Variants in TRAPPC9 observed in about 807,000 individuals in gnomAD.
TRAPPC9 encodes the protein IKK2 binding protein.
A neutral mutation model predicts 124.0 loss-of-function variants in TRAPPC9; 83 were observed. That is an observed-to-expected ratio of 0.67 (90% CI 0.56 to 0.80). TRAPPC9 has a LOEUF of 0.80. TRAPPC9 is among the 30% of genes least tolerant of loss of function. TRAPPC9 has a pLI of 0.00. For missense variants in TRAPPC9, 1,302 were observed against 1,508.3 expected (o/e 0.86, Z 2.27); for synonymous variants, 638 against 617.5 (o/e 1.03, Z -0.49).
intron 7 of TRAPPC9, among the ~76,000 whole-genome samples, chr8:140,396,096 A>G (rs974118326): frequency 1.4e-5 from 2 of 146,192 alleles, no homozygotes; most frequent in African/African-American, 2.6e-5. Flanking sequence ...CCTCCACTCC[A>G]TACAAATCTG....
At chr8:140,378,139 T>C (rs1172419907) in intron 7 of TRAPPC9, among the ~76,000 whole-genome samples, 1 of 152,194 alleles carries the variant, frequency 6.6e-6, no homozygotes, top group Non-Finnish European at 1.5e-5. Context: ...TGCCAGGAGT[T>C]TGTGGTCACT....
intron 16 of TRAPPC9, among the ~76,000 whole-genome samples, chr8:140,239,606 C>G (rs1026395055): frequency 6.6e-6 from 1 of 152,146 alleles, no homozygotes; most frequent in Non-Finnish European, 1.5e-5. Flanking sequence ...TCCTCACGGC[C>G]GTGGAGGGGA....
intron 21 of TRAPPC9, among the ~76,000 whole-genome samples, chr8:139,843,296 G>A (rs1234602018): frequency 6.6e-6 from 1 of 152,182 alleles, no homozygotes; most frequent in African/African-American, 2.4e-5. Context: ...GCAGGAGGGC[G>A]GCAGGGCTGA....
At chr8:139,859,344 C>G (rs1215718274) in intron 21 of TRAPPC9, among the ~76,000 whole-genome samples, 1 of 152,180 alleles carries the variant, frequency 6.6e-6, no homozygotes, top group African/African-American at 2.4e-5. Context: ...ATGCAGCAAT[C>G]ACTACCGCTC....
chr8:140,308,174 C>T (rs1212964450), intron 10 of TRAPPC9, among the ~76,000 whole-genome samples: 1 of 151,854 alleles, frequency 6.6e-6, no homozygotes, highest in African/African-American at 2.4e-5. Flanking sequence ...CACATTTGGC[C>T]CACTCTAAGT....
chr8:140,407,256 G>A (rs149441393), intron 5 of TRAPPC9, among the ~76,000 whole-genome samples: 367 of 152,330 alleles, frequency 2.4e-3, no homozygotes, highest in Middle Eastern at 6.8e-3. Context: ...TGTTCTTAAC[G>A]ACAGAAGTGT....
At chr8:139,929,143 G>A (rs1175924672) in intron 19 of TRAPPC9, among the ~76,000 whole-genome samples, 1 of 152,132 alleles carries the variant, frequency 6.6e-6, no homozygotes, top group Non-Finnish European at 1.5e-5. Context: ...TCTTAAAAAT[G>A]TATTAATTAA....
intron 18 of TRAPPC9, among the ~76,000 whole-genome samples, chr8:140,011,115 G>A (rs1380783378): frequency 6.6e-6 from 1 of 152,106 alleles, no homozygotes; most frequent in Non-Finnish European, 1.5e-5. Flanking sequence ...CGAGAAGGGA[G>A]GGTCCCCTGA....
intron 18 of TRAPPC9, among the ~76,000 whole-genome samples, chr8:139,996,158 C>CAAAAAAAAAA: frequency 1.6e-3 from 32 of 19,416 alleles, no homozygotes; most frequent in African/African-American, 4.8e-3. Flanking sequence ...AAAACTTAAG[C>CAAAAAAAAAA]AAAAAAAAAA....
intron 16 of TRAPPC9, among the ~76,000 whole-genome samples, chr8:140,227,163 A>T (rs1270800895): frequency 2.0e-5 from 3 of 152,102 alleles, no homozygotes; most frequent in Admixed American, 6.5e-5. Flanking sequence ...CTGCAGAGGG[A>T]TGGCGAGAGA....
chr8:140,020,088 CT>C (rs1291619011), intron 18 of TRAPPC9, among the ~76,000 whole-genome samples: 2 of 151,746 alleles, frequency 1.3e-5, no homozygotes, highest in East Asian at 3.9e-4. Flanking sequence ...GTAATGCCAC[CT>C]CTTTCATTCT....
intron 21 of TRAPPC9, among the ~76,000 whole-genome samples, chr8:139,784,760 C>T (rs951206030): frequency 2.0e-5 from 3 of 151,356 alleles, no homozygotes; most frequent in Non-Finnish European, 4.4e-5. Context: ...TGACAGAAGG[C>T]GTGTGAGACT....
chr8:140,436,491 A>G (rs2070818941), intron 3 of TRAPPC9, among the ~76,000 whole-genome samples: 1 of 152,242 alleles, frequency 6.6e-6, no homozygotes, highest in South Asian at 2.1e-4. Flanking sequence ...CAGAGTTAAT[A>G]CAAGTCAGCT....
chr8:139,889,994 G>A (rs1243616178), intron 20 of TRAPPC9, among the ~76,000 whole-genome samples: 1 of 152,254 alleles, frequency 6.6e-6, no homozygotes, highest in Non-Finnish European at 1.5e-5. Flanking sequence ...AGCAACAGCT[G>A]GGGATCGGGG....
intron 19 of TRAPPC9, among the ~76,000 whole-genome samples, chr8:139,936,275 C>A (rs776090040): frequency 6.6e-6 from 1 of 152,254 alleles, no homozygotes; most frequent in Non-Finnish European, 1.5e-5. Flanking sequence ...ATCCCAAACA[C>A]CTCCTAAAGT....
intron 17 of TRAPPC9, among the ~76,000 whole-genome samples, chr8:140,115,631 C>CT (rs34398313): frequency 0.57 from 87,050 of 151,876 alleles, 25,781 homozygotes; most frequent in East Asian, 0.84. Flanking sequence ...CTATGGTTGC[C>CT]TGAATCTAAG....
rs146528804 is a variant in TRAPPC9 at position 139,759,351 on chromosome 8, G to A, written c.3056-27149C>T. On this transcript the variant is annotated intron_variant, in intron 21 of 22. Transcript: ENST00000438773. ...CTGCACTAGGCTCTTTACATACATG[G>A]TCCCCTGGAATCCTTGCCTCTGCCC... Among the ~76,000 whole-genome samples the A allele has an allele frequency of 3.2e-3, 483 of 152,234 alleles. 4 individuals carry two copies. The highest frequency in any genetic ancestry group is 0.011 in the African/African-American group (456 of 41,532).
chr8:140,279,675 C>T (rs2065243220), intron 14 of TRAPPC9, among the ~76,000 whole-genome samples: 1 of 152,074 alleles, frequency 6.6e-6, no homozygotes, highest in Admixed American at 6.5e-5. Flanking sequence ...GGTACCAGAG[C>T]ATGCACGCAC....
chr8:140,448,827 G>C (rs943011929), intron 2 of TRAPPC9, among the ~76,000 whole-genome samples: 1 of 152,216 alleles, frequency 6.6e-6, no homozygotes, highest in South Asian at 2.1e-4. Context: ...GAAAGGCCCC[G>C]GGCCTCAGAG....
Sources: allele counts gnomAD v4.1 joint callset (sites outside exome capture counted in the v4.1 genomes callset), GRCh38; gene constraint gnomAD v4.1.1; transcripts MANE v1.5; gene names NCBI Gene and HGNC (gene_info 2026-07-23, HGNC 2026-07-21).